The following NPHP3 variants were observed in gnomAD, a reference collection of about 807,000 sequenced individuals.
The protein encoded by NPHP3 is nephrocystin-3.
In NPHP3, 123 loss-of-function variants were observed where a neutral mutation model predicts 171.9. That is an observed-to-expected ratio of 0.72 (90% confidence interval 0.62 to 0.83). The LOEUF (loss-of-function observed/expected upper bound fraction) is 0.83. Ranked by LOEUF, NPHP3 falls within the 40% of genes least tolerant of loss-of-function variation. The pLI, the probability that NPHP3 is intolerant of heterozygous loss-of-function variation, is 0.00. For missense variants in NPHP3, 1,506 were observed against 1,591.9 expected (o/e 0.95, Z 0.92); for synonymous variants, 558 against 579.2 (o/e 0.96, Z 0.52).
rs573088544 is a variant in NPHP3 at position 132,698,427 on chromosome 3, G to A, written c.1985+926C>T. On this transcript the variant is annotated intron_variant, in intron 13 of 26. Coordinates refer to ENST00000337331, the MANE Select transcript of NPHP3 (RefSeq NM_153240.5). ...CGAGTAGATGGGATTACAAGCACCC[G>A]CCACCATGCCTGGCTAATTTTTGTA... Among the ~76,000 whole-genome samples the A allele has an allele frequency of 1.1e-4, 17 of 151,810 alleles. No individual in the cohort carries two copies. In the South Asian group the frequency reaches 1.7e-3, roughly 15 times the overall value.
chr3:132,719,222 T>C (rs1226903577), intron 2 of NPHP3, 78 bp from the exon 3 acceptor site: 5 of 1,133,736 alleles, frequency 4.4e-6, no homozygotes, highest in Non-Finnish European at 6.4e-6. Context: ...GGGAAAAATA[T>C]TTCATTCATA....
intron 8 of NPHP3, among the ~76,000 whole-genome samples, chr3:132,705,215 CAT>C (rs2107986910): frequency 6.6e-6 from 1 of 152,094 alleles, no homozygotes; most frequent in African/African-American, 2.4e-5. Flanking sequence ...TAAACACAAA[CAT>C]AGACATAATA....
At chr3:132,682,441 A>G (rs1939055325) in intron 26 of NPHP3, 4 of 559,028 alleles carry the variant, frequency 7.2e-6, no homozygotes, top group South Asian at 4.2e-5. Flanking sequence ...CAAATTACCC[A>G]TATTACTCCC....
chr3:132,701,360 A>G (rs1225347626), intron 10 of NPHP3, 70 bp downstream of exon 10: 14 of 1,074,250 alleles, frequency 1.3e-5, no homozygotes, highest in Admixed American at 1.8e-5. Flanking sequence ...GCAGGCATGC[A>G]ATACATTTTG....
chr3:132,694,379 T>TGTG (rs1391468945), intron 16 of NPHP3, among the ~76,000 whole-genome samples: 2 of 148,814 alleles, frequency 1.3e-5, no homozygotes, highest in African/African-American at 5.0e-5. Context: ...GTGTGTGTGT[T>TGTG]TACACACACA....
At position 132,716,824 on chromosome 3, in the gene NPHP3, G is replaced by A; in HGVS notation, c.756C>T (p.Ser252=). The A allele has an allele frequency of 6.2e-7, 1 of 1,614,186 alleles. No homozygotes were observed. Among genetic ancestry groups the A allele is most frequent in the East Asian group, 2.2e-5 (1 of 44,888 alleles). ...TATGGGCAAACTCAGGGCCTCTGAA[G>A]GACTGCTGAAGCTGGATCATGCTTC... ...SIGSMIQLQQ[S]FRGPEFAHSS... The change falls in exon 4 of 27, where the codon TCC becomes TCT. Residue 252 remains serine, a synonymous_variant. Transcript: ENST00000337331.
Position 132,689,205 on chromosome 3 carries a change from T to C in NPHP3, c.2752A>G (p.Met918Val), listed in dbSNP as rs140594430. ...WQFVGKDKSA[M>V]ATEYFDSLKQ... The stretch of plus-strand genomic sequence containing the variant: ...AATGAATCGAAGTATTCTGTTGCCA[T>C]TGCACTTTTGTCTTTGCCAACAAAC... The change falls in exon 20 of 27, where the codon ATG becomes GTG. Residue 918 changes from methionine (M) to valine (V), a missense_variant. Coordinates refer to ENST00000337331, the MANE Select transcript of NPHP3 (RefSeq NM_153240.5). The C allele has an allele frequency of 3.8e-5, 62 of 1,614,174 alleles. No individual in the cohort carries two copies. In the Middle Eastern group the frequency reaches 1.3e-3, roughly 34 times the overall value.
chr3:132,688,881 G>A lies in NPHP3; in HGVS notation c.2894C>T (p.Pro965Leu), dbSNP rs368791854. ...TCGAATCTCTAAAGACCTCTGCAAAGGTACTATGGCCTGGGGGGAAAAGGG... is the reference window on the plus strand; with the variant it reads ...TCGAATCTCTAAAGACCTCTGCAAAAGTACTATGGCCTGGGGGGAAAAGGG... The part of the protein sequence containing the change: ...DLGLLSQAIV[P>L]LQRSLEIRET... The change falls in exon 21 of 27, where the codon CCT (proline) becomes CTT (leucine). Residue 965 changes from proline to leucine, a missense_variant. Physicochemically the swap from Pro to Leu is moderately conservative, Grantham distance 98. Around this residue, in one of 3 missense-constraint regions of NPHP3, gnomAD observed 569 missense variants for 648.1 expected, o/e 0.88. Coordinates refer to ENST00000337331, the MANE Select transcript of NPHP3 (RefSeq NM_153240.5). 97 of 1,613,942 alleles carry A rather than the reference G, an allele frequency of 6.0e-5. No homozygotes were observed. The highest frequency in any genetic ancestry group is 8.1e-5 in the Non-Finnish European group (95 of 1,180,014).
At chr3:132,705,651 A>G (rs1487361482) in intron 8 of NPHP3, 89 bp downstream of exon 8, 6 of 724,718 alleles carry the variant, frequency 8.3e-6, no homozygotes, top group Non-Finnish European at 1.5e-5. Flanking sequence ...TCAAAAAGAC[A>G]AGCAAGTGGT....
chr3:132,710,841 C>T (rs1415160037), intron 6 of NPHP3, among the ~76,000 whole-genome samples: 3 of 152,156 alleles, frequency 2.0e-5, no homozygotes, highest in Admixed American at 1.3e-4. Flanking sequence ...TCAGTAACAC[C>T]GAGAGGCACA....
chr3:132,702,273 G>C (rs1184527466), intron 9 of NPHP3, among the ~76,000 whole-genome samples: 1 of 152,004 alleles, frequency 6.6e-6, no homozygotes, highest in Non-Finnish European at 1.5e-5. Flanking sequence ...CCTGTCCTGG[G>C]AATCACCTCA....
chr3:132,684,405 C>A, intron 24 of NPHP3, 149 bp downstream of exon 24: 1 of 702,254 alleles, frequency 1.4e-6, no homozygotes, highest in South Asian at 1.7e-5. Flanking sequence ...TTTAAATGTT[C>A]TGCTCAGTTA....
chr3:132,696,459 C>T (rs1222689569), intron 15 of NPHP3, among the ~76,000 whole-genome samples: 1 of 152,092 alleles, frequency 6.6e-6, no homozygotes, highest in Admixed American at 6.5e-5. Flanking sequence ...AGCTAGGGGC[C>T]ACAAATGAGG....
Position 132,691,258 on chromosome 3 carries a change from A to T in NPHP3, c.2504T>A (p.Leu835Gln), listed in dbSNP as rs1395295034. ...TGAAGAAGTAACAGTGGGGCCTTCCAGGTACTCCAATCTCACTGTTTCCCA... is the reference window on the plus strand; with the variant it reads ...TGAAGAAGTAACAGTGGGGCCTTCCTGGTACTCCAATCTCACTGTTTCCCA... ...QAWETVRLEY[L>Q]EGPTVTSSYR... Residue 835 changes from leucine (L) to glutamine (Q), a missense_variant, in exon 18 of 27, where the codon CTG becomes CAG. Around this residue, in one of 3 missense-constraint regions of NPHP3, gnomAD observed 569 missense variants for 648.1 expected, o/e 0.88. Transcript: ENST00000337331. The T allele has an allele frequency of 6.2e-7, 1 of 1,613,056 alleles. No individual in the cohort carries two copies. Among genetic ancestry groups the T allele is most frequent in the Non-Finnish European group, 8.5e-7 (1 of 1,179,282 alleles).
At chr3:132,721,333 A>T in intron 1 of NPHP3, 1 of 151,134 alleles carries the variant, frequency 6.6e-6, no homozygotes, top group Non-Finnish European at 1.4e-5. Flanking sequence ...CATCTAGAGA[A>T]GGTTTTCAAC....
At position 132,688,890 on chromosome 3, in the gene NPHP3, G is replaced by C. The variant is rs1939229320; in HGVS notation, c.2885C>G (p.Ala962Gly). Reference sequence around the variant, plus strand: ...TAAAGACCTCTGCAAAGGTACTATGGCCTGGGGGGAAAAGGGGTGAAAGGC... The same window carrying C: ...TAAAGACCTCTGCAAAGGTACTATGCCCTGGGGGGAAAAGGGGTGAAAGGC... ...FLKDLGLLSQ[A>G]IVPLQRSLEI... Residue 962 changes from alanine (A) to glycine (G), a missense_variant and splice_region_variant, in exon 21 of 27, where the codon GCC (alanine) becomes GGC (glycine). This residue lies in a region of NPHP3 where 569 missense variants were observed against 648.1 expected (regional missense o/e 0.88). Coordinates refer to ENST00000337331, the MANE Select transcript of NPHP3 (RefSeq NM_153240.5). 4 of 1,614,094 alleles carry C rather than the reference G, an allele frequency of 2.5e-6. No homozygotes were observed. The highest frequency in any genetic ancestry group is 3.4e-6 in the Non-Finnish European group (4 of 1,179,984).
chr3:132,696,926 T>C, intron 14 of NPHP3, 113 bp from the exon 15 acceptor site: 1 of 854,480 alleles, frequency 1.2e-6, no homozygotes, highest in Non-Finnish European at 1.9e-6. Context: ...ACACTATTGC[T>C]GCCATCCGTG....
rs1419206602 is a variant in NPHP3, at chr3:132,722,271, C to G, written c.85G>C (p.Glu29Gln). The change falls in exon 1 of 27, where the codon GAG becomes CAG. Residue 29 changes from glutamate (E) to glutamine (Q), a missense_variant. Physicochemically the swap from Glu to Gln is conservative, Grantham distance 29. Coordinates refer to ENST00000337331, the MANE Select transcript of NPHP3 (RefSeq NM_153240.5). Reference protein sequence around the residue: ...TYGAGGGEACEIPVEVKPKAR... With the variant: ...TYGAGGGEACQIPVEVKPKAR... Reference sequence around the variant, plus strand: ...TTGGGCTTCACCTCCACCGGGATCTCGCAGGCCTCGCCGCCGCCCGCCCCG... The same window carrying G: ...TTGGGCTTCACCTCCACCGGGATCTGGCAGGCCTCGCCGCCGCCCGCCCCG... 1 of 1,577,550 alleles carries G rather than the reference C, an allele frequency of 6.3e-7. No homozygotes were observed. Among genetic ancestry groups the G allele is most frequent in the East Asian group, 2.4e-5 (1 of 42,234 alleles).
chr3:132,711,569 T>C (rs1479842516), intron 6 of NPHP3, among the ~76,000 whole-genome samples: 1 of 152,046 alleles, frequency 6.6e-6, no homozygotes, highest in Admixed American at 6.5e-5. Context: ...AAGGTTTTTG[T>C]TTGTTTGTTT....
Sources: gnomAD v4.1 joint callset for allele counts (sites outside exome capture counted in the v4.1 genomes callset) on GRCh38, gnomAD v4.1.1 for gene constraint, gnomAD v4.1.1 regional missense constraint, MANE v1.5 for transcripts, NCBI Gene and HGNC (gene_info 2026-07-23, HGNC 2026-07-21) for gene names.